Variants in ANKRD36B observed in about 807,000 individuals in gnomAD.
The protein encoded by ANKRD36B is ankyrin repeat domain-containing protein 36B.
Under a neutral mutation model 135.7 loss-of-function variants are expected in ANKRD36B, and 37 were observed. The ratio of observed to expected loss-of-function variants is 0.27; its 90% confidence interval spans 0.21 to 0.36. The LOEUF (loss-of-function observed/expected upper bound fraction) is 0.36. ANKRD36B is among the 10% of genes least tolerant of loss of function. ANKRD36B has a pLI of 1.00. For missense variants in ANKRD36B, 549 were observed against 1,037.1 expected (o/e 0.53, Z 6.46); for synonymous variants, 179 against 348.1 (o/e 0.51, Z 5.41).
chr2:97,557,097 T>G lies in ANKRD36B; in HGVS notation c.996+7A>C. The G allele has an allele frequency of 6.5e-7, 1 of 1,544,904 alleles. No homozygotes were observed. Among genetic ancestry groups the G allele is most frequent in the Non-Finnish European group, 8.7e-7 (1 of 1,143,966 alleles). On this transcript the variant is annotated splice_region_variant and intron_variant, in intron 11 of 43. Transcript: ENST00000359901. ...ATAATTCAAAATATAAATGAAAGAG[T>G]AACTACCTTCTGGGCCGATTGTTTC...
chr2:97,569,392 A>G (rs1559215987), intron 6 of ANKRD36B, among the ~76,000 whole-genome samples: 1 of 152,188 alleles, frequency 6.6e-6, no homozygotes, highest in African/African-American at 2.4e-5. Flanking sequence ...GACAGCAAAA[A>G]TATTAGTAGT....
chr2:97,549,519 A>G (rs2079833853), intron 19 of ANKRD36B, 28 bp from the exon 20 acceptor site: 5 of 1,600,560 alleles, frequency 3.1e-6, no homozygotes, highest in Non-Finnish European at 4.3e-6. Context: ...TGAAATAATA[A>G]ATAAATAAAG....
chr2:97,554,774 A>C (rs2080356102), intron 14 of ANKRD36B, among the ~76,000 whole-genome samples: 1 of 151,982 alleles, frequency 6.6e-6, no homozygotes, highest in Non-Finnish European at 1.5e-5. Context: ...ATGCTGTAGA[A>C]TTAAAGCAAA....
At chr2:97,567,286 G>GGATTTT (rs2081515114) in intron 6 of ANKRD36B, among the ~76,000 whole-genome samples, 2 of 147,940 alleles carry the variant, frequency 1.4e-5, no homozygotes, top group Non-Finnish European at 3.0e-5. Flanking sequence ...CAGCTACCTG[G>GGATTTT]ATGCTCTCCA....
intron 6 of ANKRD36B, among the ~76,000 whole-genome samples, chr2:97,565,816 C>T (rs1192171378): frequency 6.6e-6 from 1 of 151,394 alleles, no homozygotes; most frequent in Non-Finnish European, 1.5e-5. Flanking sequence ...GATCTAGAAC[C>T]GGAAATACCA....
intron 1 of ANKRD36B, among the ~76,000 whole-genome samples, chr2:97,586,350 AT>A (rs1236064832): frequency 6.6e-6 from 1 of 151,972 alleles, no homozygotes; most frequent in African/African-American, 2.4e-5. Flanking sequence ...AGTTTTTGAA[AT>A]GGCAGTTAAA....
chr2:97,580,580 C>T lies in ANKRD36B; in HGVS notation c.451-12G>A, dbSNP rs2082567333. 5.9e-6 allele frequency: 9 copies of T among 1,536,628 alleles called. No individual in the cohort carries two copies. The highest frequency in any genetic ancestry group is 2.5e-5 in the East Asian group (1 of 40,504). On this transcript the variant is annotated splice_polypyrimidine_tract_variant and intron_variant, in intron 3 of 43. Coordinates refer to ENST00000359901, the MANE Select transcript of ANKRD36B (RefSeq NM_001393939.1). Reference sequence around the variant, plus strand: ...GGCTGATATTCATTCTGTAAAATAACAGCAACAATTTATAATCACAAAATT... The same window carrying T: ...GGCTGATATTCATTCTGTAAAATAATAGCAACAATTTATAATCACAAAATT...
intron 12 of ANKRD36B, among the ~76,000 whole-genome samples, chr2:97,556,729 A>G (rs113147599): frequency 6.6e-6 from 1 of 151,888 alleles, no homozygotes; most frequent in African/African-American, 2.4e-5. Context: ...TCCAATTTCA[A>G]TGTAGGGAAC....
intron 3 of ANKRD36B, among the ~76,000 whole-genome samples, chr2:97,582,640 A>G (rs1330132530): frequency 6.6e-6 from 1 of 152,216 alleles, no homozygotes; most frequent in Admixed American, 6.5e-5. Flanking sequence ...GACGCAAACT[A>G]AACACATGTA....
intron 14 of ANKRD36B, among the ~76,000 whole-genome samples, chr2:97,554,704 C>T (rs530539036): frequency 7.9e-5 from 12 of 151,902 alleles, no homozygotes; most frequent in South Asian, 2.1e-4. Flanking sequence ...TTTATCAATA[C>T]GATGTGACGT....
rs570752664 is a variant in ANKRD36B, at chr2:97,544,866, A to G, written c.1681+800T>C. Among the ~76,000 whole-genome samples, 4 of 96,716 alleles carry G rather than the reference A, an allele frequency of 4.1e-5. 2 individuals are homozygous for G. In the East Asian group the frequency reaches 9.3e-4, roughly 22 times the overall value. The allele number at this position is 96,716 out of a possible 152,430, so 63.4% of individuals were successfully genotyped here. A position where few individuals can be genotyped will look rare whatever the true frequency, so the allele number is the denominator to read the frequency against. On this transcript the variant is annotated intron_variant, in intron 24 of 43. Transcript: ENST00000359901. Reference sequence around the variant, plus strand: ...GGAGTATCATGCTATTCTCTAAAGAAGTTTCATTCAATAGCTATTTTATCC... The same window carrying G: ...GGAGTATCATGCTATTCTCTAAAGAGGTTTCATTCAATAGCTATTTTATCC...
Position 97,523,676 on chromosome 2 carries a change from T to C in ANKRD36B, c.2266-209A>G, listed in dbSNP as rs1225986532. ...TAAATTAGTTTCCCAGTTCCTATGC[T>C]ATTTAGAAAACTGACAGAGAGACTT... On this transcript the variant is annotated intron_variant, in intron 35 of 43. Transcript: ENST00000359901. Among the ~76,000 whole-genome samples the C allele has an allele frequency of 2.0e-4, 16 of 81,292 alleles. 5 individuals are homozygous for C. The highest frequency in any genetic ancestry group is 3.3e-4 in the African/African-American group (9 of 27,386). The allele number at this position is 81,292 out of a possible 152,430, so 53.3% of individuals were successfully genotyped here. A position where few individuals can be genotyped will look rare whatever the true frequency, so the allele number is the denominator to read the frequency against.
intron 1 of ANKRD36B, among the ~76,000 whole-genome samples, chr2:97,586,532 G>A (rs933226864): frequency 6.6e-6 from 1 of 152,154 alleles, no homozygotes; most frequent in African/African-American, 2.4e-5. Flanking sequence ...CTGAGAGATG[G>A]TGGAATGTGT....
chr2:97,561,321 G>A (rs2081003685), intron 6 of ANKRD36B, among the ~76,000 whole-genome samples: 1 of 151,938 alleles, frequency 6.6e-6, no homozygotes. Context: ...TGATCAGTGA[G>A]AAGGTACACA....
chr2:97,582,100 G>A (rs1352324205), intron 3 of ANKRD36B, among the ~76,000 whole-genome samples: 5 of 151,586 alleles, frequency 3.3e-5, no homozygotes, highest in East Asian at 3.9e-4. Flanking sequence ...GAGCCACTGC[G>A]CTCGGCCAAT....
rs774731129 is a variant in ANKRD36B at position 97,553,318 on chromosome 2, A to T, written c.1200+25T>A. The T allele has an allele frequency of 9.9e-6, 16 of 1,609,156 alleles. No individual in the cohort carries two copies. The Middle Eastern group carries it at 9.0e-4, about 91-fold the overall frequency. On this transcript the variant is annotated intron_variant, in intron 15 of 43. Coordinates refer to ENST00000359901, the MANE Select transcript of ANKRD36B (RefSeq NM_001393939.1). ...TCATAGACTATAGATTTACTAGTTC[A>T]CAACATAAATGAGAGTTCAATTACC...
At chr2:97,576,998 T>C (rs552097054) in intron 5 of ANKRD36B, among the ~76,000 whole-genome samples, 1 of 152,192 alleles carries the variant, frequency 6.6e-6, no homozygotes, top group Non-Finnish European at 1.5e-5. Flanking sequence ...TAAGTCCTAA[T>C]TTTGCTTATT....
intron 20 of ANKRD36B, among the ~76,000 whole-genome samples, chr2:97,548,591 G>T (rs1256807738): frequency 1.4e-3 from 205 of 150,424 alleles, no homozygotes; most frequent in African/African-American, 4.7e-3. Context: ...AGCTTTGTTG[G>T]GAGTATCATG....
intron 6 of ANKRD36B, among the ~76,000 whole-genome samples, chr2:97,571,803 A>G (rs1447392160): frequency 6.6e-6 from 1 of 152,228 alleles, no homozygotes; most frequent in Non-Finnish European, 1.5e-5. Flanking sequence ...AAGTTCTTAT[A>G]AAACTAAAAA....
Sources: allele counts gnomAD v4.1 joint callset (sites outside exome capture counted in the v4.1 genomes callset), GRCh38; gene constraint gnomAD v4.1.1; transcripts MANE v1.5; gene names NCBI Gene and HGNC (gene_info 2026-07-23, HGNC 2026-07-21).